Variants in BAZ1A observed in about 807,000 individuals in gnomAD.
The protein encoded by BAZ1A is bromodomain adjacent to zinc finger domain 1A, also known as bromodomain adjacent to zinc finger domain protein 1A.
A neutral mutation model predicts 185.2 loss-of-function variants in BAZ1A; 50 were observed. That is an observed-to-expected ratio of 0.27 (90% CI 0.22 to 0.34). The LOEUF (loss-of-function observed/expected upper bound fraction) is 0.34. Ranked by LOEUF, BAZ1A falls within the 10% of genes least tolerant of loss-of-function variation. The pLI is 1.00. For missense variants in BAZ1A, 1,356 were observed against 1,839.9 expected (o/e 0.74, Z 4.81); for synonymous variants, 571 against 615.6 (o/e 0.93, Z 1.07).
At chr14:34,795,863 C>T in intron 9 of BAZ1A, 98 bp from the exon 10 acceptor site, 1 of 842,542 alleles carries the variant, frequency 1.2e-6, no homozygotes, top group South Asian at 1.7e-5. Context: ...ATACTTGGAC[C>T]TTACCCCATA....
chr14:34,871,289 C>T (rs1367553024), intron 2 of BAZ1A, among the ~76,000 whole-genome samples: 4 of 152,188 alleles, frequency 2.6e-5, no homozygotes, highest in African/African-American at 9.7e-5. Context: ...AACTCTTGGC[C>T]TCAAGTGATC....
intron 2 of BAZ1A, among the ~76,000 whole-genome samples, chr14:34,870,569 C>G (rs927650912): frequency 2.6e-5 from 4 of 152,142 alleles, no homozygotes; most frequent in Non-Finnish European, 5.9e-5. Context: ...TAGTAAAAAG[C>G]CAAATGTCTA....
chr14:34,849,117 ACTAT>A (rs1193822390), intron 3 of BAZ1A, among the ~76,000 whole-genome samples: 3 of 152,174 alleles, frequency 2.0e-5, no homozygotes, highest in East Asian at 1.9e-4. Flanking sequence ...ACATAGGGAG[ACTAT>A]CTATAAACAA....
chr14:34,800,358 CT>C lies in BAZ1A; in HGVS notation c.993del (p.Ala332GlnfsTer4). The C allele has an allele frequency of 6.5e-7, 1 of 1,543,132 alleles. No homozygotes were observed. Among genetic ancestry groups the C allele is most frequent in the Non-Finnish European group, 8.7e-7 (1 of 1,151,526 alleles). ...AFEKAKLKRE[K>X]ADALEAKKKE... ...TTTTTCTTCGCTTCTAGGGCATCTGCTTTTTCTCTTTTTAATTTAGCCTTTT... is the reference window on the plus strand; with the variant it reads ...TTTTTCTTCGCTTCTAGGGCATCTGCTTTTCTCTTTTTAATTTAGCCTTTT... On this transcript the variant is annotated frameshift_variant, in exon 9 of 27. Coordinates refer to ENST00000360310, the MANE Select transcript of BAZ1A (RefSeq NM_013448.3). LOFTEE classifies it high-confidence loss of function.
At chr14:34,793,715 C>A (rs1490799268) in intron 11 of BAZ1A, among the ~76,000 whole-genome samples, 1 of 152,030 alleles carries the variant, frequency 6.6e-6, no homozygotes, top group Non-Finnish European at 1.5e-5. Flanking sequence ...GAGGCCGAGG[C>A]GGGCAGATCA....
At chr14:34,804,185 T>G (rs1881729620) in intron 6 of BAZ1A, among the ~76,000 whole-genome samples, 1 of 152,152 alleles carries the variant, frequency 6.6e-6, no homozygotes, top group Non-Finnish European at 1.5e-5. Flanking sequence ...TTTTTGTATT[T>G]TTAGTAGAGA....
In BAZ1A at chr14:34,771,515, T is replaced by C. The variant is rs1879215094; in HGVS notation, c.3297A>G (p.Pro1099=). The change falls in exon 21 of 27, where the codon CCA becomes CCG. Residue 1099 remains proline, a synonymous_variant. Transcript: ENST00000360310. ...QGIERRFLKA[P]LDASDSGRSY... is the part of the protein sequence containing the mutation. ...GAAATAAAAACAGATACTTACCAAGTGGAGCTTTCAGAAAACGCCGCTCAA... is the reference window on the plus strand; with the variant it reads ...GAAATAAAAACAGATACTTACCAAGCGGAGCTTTCAGAAAACGCCGCTCAA... 1.2e-6 allele frequency: 2 copies of C among 1,606,024 alleles called. No individual in the cohort carries two copies. The highest frequency in any genetic ancestry group is 8.5e-7 in the Non-Finnish European group (1 of 1,177,696).
chr14:34,851,358 A>T, intron 3 of BAZ1A, among the ~76,000 whole-genome samples: 1 of 150,788 alleles, frequency 6.6e-6, no homozygotes, highest in East Asian at 1.9e-4. Flanking sequence ...AAAAAAAAAA[A>T]AAGTCTGAAA....
chr14:34,814,294 A>C (rs1488038622), intron 4 of BAZ1A, among the ~76,000 whole-genome samples: 4 of 151,610 alleles, frequency 2.6e-5, no homozygotes, highest in Non-Finnish European at 4.4e-5. Context: ...ATATATTAAC[A>C]TATAAATATA....
chr14:34,845,713 T>C (rs1230304297), intron 3 of BAZ1A, among the ~76,000 whole-genome samples: 1 of 151,858 alleles, frequency 6.6e-6, no homozygotes, highest in African/African-American at 2.4e-5. Context: ...ATACAAAAAT[T>C]AGCAGGGCGT....
At chr14:34,858,386 C>A (rs779930651) in intron 3 of BAZ1A, among the ~76,000 whole-genome samples, 4 of 152,102 alleles carry the variant, frequency 2.6e-5, no homozygotes, top group African/African-American at 7.2e-5. Flanking sequence ...TCCTGAGTAA[C>A]TGGAATTATA....
rs567213626 is a variant in BAZ1A at position 34,874,210 on chromosome 14, G to C, written c.113+282C>G. On this transcript the variant is annotated intron_variant, in intron 2 of 26. Transcript: ENST00000360310. The surrounding 1 kb of genome is among the most constrained non-coding windows in gnomAD (Gnocchi z 4.7). ...TCCGCCGCCCCGCGGCCAAGAGGGC[G>C]GGAGGGCGACAGCAGCGGCTAGGAG... is the stretch of plus-strand genomic sequence containing the variant. The C allele has an allele frequency of 3.9e-5, 13 of 329,754 alleles. No individual in the cohort carries two copies. The East Asian group carries it at 8.8e-4, about 22-fold the overall frequency. The allele number at this position is 329,754 out of a possible 1,614,324, so 20.4% of individuals were successfully genotyped here. A position where few individuals can be genotyped will look rare whatever the true frequency, so the allele number is the denominator to read the frequency against.
intron 4 of BAZ1A, among the ~76,000 whole-genome samples, chr14:34,811,478 A>G (rs1200394): frequency 0.24 from 36,843 of 151,746 alleles, 5,552 homozygotes; most frequent in Middle Eastern, 0.35. Context: ...TTTTTTTTTA[A>G]GAGACAGAGT....
rs1879571202 is a variant in BAZ1A at position 34,775,934 on chromosome 14, T to C, written c.2818A>G (p.Lys940Glu). The change falls in exon 18 of 27, where the codon AAA (lysine) becomes GAA (glutamate). Residue 940 changes from lysine (K) to glutamate (E), a missense_variant. Around this residue, in one of 7 missense-constraint regions of BAZ1A, gnomAD observed 434 missense variants for 561.7 expected, o/e 0.77. Transcript: ENST00000360310. ...CAQLARFSEEKFHFSDKPQPD... is the reference protein window; with the variant it reads ...CAQLARFSEEEFHFSDKPQPD... ...GAAAATTTACCTGAAAAATGAAATT[T>C]CTCTTCAGAAAAACGGGCTAGCTGT... The C allele has an allele frequency of 6.4e-7, 1 of 1,562,020 alleles. No individual in the cohort carries two copies. Among genetic ancestry groups the C allele is most frequent in the Non-Finnish European group, 8.7e-7 (1 of 1,154,164 alleles).
At chr14:34,863,273 C>T (rs2042802203) in intron 2 of BAZ1A, among the ~76,000 whole-genome samples, 1 of 149,022 alleles carries the variant, frequency 6.7e-6, no homozygotes. Flanking sequence ...CAAGGATTCT[C>T]CTGCCTCAGC....
chr14:34,783,955 A>G, intron 14 of BAZ1A, 28 bp from the exon 15 acceptor site: 1 of 1,551,482 alleles, frequency 6.4e-7, no homozygotes, highest in Non-Finnish European at 8.7e-7. Context: ...ATACTTCTGT[A>G]TTATAAATCG....
At chr14:34,756,115 C>CT (rs548364033) in intron 25 of BAZ1A, among the ~76,000 whole-genome samples, 44,384 of 127,264 alleles carry the variant, frequency 0.35, 7,603 homozygotes, top group Non-Finnish European at 0.4. Context: ...TGGTTTTTTT[C>CT]TTTTTTTTTT....
At chr14:34,812,193 CCTTCAA>C (rs2041939506) in intron 4 of BAZ1A, among the ~76,000 whole-genome samples, 1 of 146,662 alleles carries the variant, frequency 6.8e-6, no homozygotes, top group Non-Finnish European at 1.5e-5. Context: ...ACCGAGTATG[CCTTCAA>C]AGAGGTTGAT....
At chr14:34,784,990 G>A (rs1880341861) in intron 14 of BAZ1A, among the ~76,000 whole-genome samples, 1 of 152,096 alleles carries the variant, frequency 6.6e-6, no homozygotes, top group African/African-American at 2.4e-5. Flanking sequence ...CGAGTAGCTG[G>A]GACTACAGGT....
Sources: allele counts gnomAD v4.1 joint callset (sites outside exome capture counted in the v4.1 genomes callset), GRCh38; gene constraint gnomAD v4.1.1; regional missense constraint gnomAD v4.1.1; non-coding constraint Gnocchi (gnomAD v3.1); transcripts MANE v1.5; gene names NCBI Gene and HGNC (gene_info 2026-07-23, HGNC 2026-07-21).